C9: variants seen among roughly 807,000 people sequenced by gnomAD.
C9 encodes complement C9.
Under a neutral mutation model 65.4 loss-of-function variants are expected in C9, and 63 were observed. That is an observed-to-expected ratio of 0.96 (90% CI 0.79 to 1.19). The LOEUF (loss-of-function observed/expected upper bound fraction) is 1.19. Ranked by LOEUF, C9 falls within the 50% of genes most tolerant of loss-of-function variation. The probability of loss-of-function intolerance (pLI) is 0.00; values close to 1 mark genes in which losing one functional copy is unlikely to be tolerated. For missense variants in C9, 744 were observed against 670.1 expected, an observed-to-expected ratio of 1.11 and a Z score of -1.22; for synonymous variants, 229 against 227.9, an observed-to-expected ratio of 1.00 and a Z score of -0.04.
intron 4 of C9, among the ~76,000 whole-genome samples, chr5:39,336,877 A>G (rs1320464822): frequency 6.6e-6 from 1 of 151,926 alleles, no homozygotes; most frequent in Non-Finnish European, 1.5e-5. Context: ...TCCATTATCT[A>G]AAAGTTGATT....
At chr5:39,292,545 T>C (rs1246027735) in intron 9 of C9, among the ~76,000 whole-genome samples, 1 of 151,886 alleles carries the variant, frequency 6.6e-6, no homozygotes, top group African/African-American at 2.4e-5. Context: ...CTACATAAAG[T>C]AATCATGAGC....
intron 1 of C9, among the ~76,000 whole-genome samples, chr5:39,343,921 G>A (rs976714186): frequency 7.4e-6 from 1 of 135,860 alleles, no homozygotes; most frequent in Non-Finnish European, 1.5e-5. Flanking sequence ...ACGGTCTGGA[G>A]TGGACCTCTG....
chr5:39,311,370 AT>A lies in C9; in HGVS notation c.877del (p.Met293CysfsTer5), dbSNP rs777158966. On this transcript the variant is annotated frameshift_variant, in exon 7 of 11. Coordinates refer to ENST00000263408, the MANE Select transcript of C9 (RefSeq NM_001737.5). LOFTEE classifies it high-confidence loss of function. The part of the protein sequence containing the change: ...FLSYSSKKEK[M>X]FLHVKGEIHL... ...AATTTCTCCTTTCACATGCAGAAAC[AT>A]TTTTTCCTGTGTTGTAGAGCAGATG... The A allele has an allele frequency of 2.1e-5, 34 of 1,612,078 alleles. No homozygotes were observed. The Admixed American group carries it at 3.0e-4, about 14-fold the overall frequency.
At chr5:39,331,528 G>T in intron 5 of C9, 148 bp downstream of exon 5, 2 of 731,574 alleles carry the variant, frequency 2.7e-6, no homozygotes, top group South Asian at 3.1e-5. Context: ...TTTCTAAAGA[G>T]ATCCAAACTA....
chr5:39,301,562 TTTCTGCAATATTACTCTCTGTACTA>T (rs1164466592), intron 9 of C9, among the ~76,000 whole-genome samples: 1 of 152,144 alleles, frequency 6.6e-6, no homozygotes, highest in Non-Finnish European at 1.5e-5. Context: ...CTCTCTACTA[TTTCTGCAATATTACTCTCTGTACTA>T]TTCTGCAATA....
At position 39,364,396 on chromosome 5, in the gene C9, G is replaced by A. The variant is rs776241580; in HGVS notation, c.69C>T (p.Tyr23=). The A allele has an allele frequency of 5.0e-6, 8 of 1,584,538 alleles. No individual in the cohort carries two copies. In the South Asian group the frequency reaches 5.5e-5, roughly 11 times the overall value. Residue 23 remains tyrosine (Y), a synonymous_variant, in exon 1 of 11, where the codon TAC becomes TAT. Coordinates refer to ENST00000263408, the MANE Select transcript of C9 (RefSeq NM_001737.5). ...AAAAGTAACTGACTCACCTGGTCGT[G>A]TACTGTGCTGTGAGGATGCTTATTT... ...ILEISILTAQ[Y]TTSYDPELTE...
At chr5:39,352,248 A>G (rs1754336296) in intron 1 of C9, among the ~76,000 whole-genome samples, 1 of 152,246 alleles carries the variant, frequency 6.6e-6, no homozygotes, top group Admixed American at 6.5e-5. Context: ...CCTGTCCTTC[A>G]ACACATGGGA....
chr5:39,320,773 A>C (rs950867714), intron 5 of C9, among the ~76,000 whole-genome samples: 7 of 152,168 alleles, frequency 4.6e-5, no homozygotes, highest in African/African-American at 1.7e-4. Context: ...AATTTTGAAA[A>C]CAAGAGAAGA....
chr5:39,355,140 C>T (rs938649461), intron 1 of C9, among the ~76,000 whole-genome samples: 2 of 152,166 alleles, frequency 1.3e-5, no homozygotes, highest in African/African-American at 2.4e-5. Flanking sequence ...TTCCAGAAAC[C>T]TCATCTTTCT....
At chr5:39,317,700 A>G (rs1320677069) in intron 5 of C9, among the ~76,000 whole-genome samples, 1 of 152,104 alleles carries the variant, frequency 6.6e-6, no homozygotes, top group Non-Finnish European at 1.5e-5. Flanking sequence ...CCATTGGTCT[A>G]TGTGTCTGTT....
In C9 at chr5:39,304,656, A is replaced by G. The variant is rs75120839; in HGVS notation, c.1416+1961T>C. The stretch of plus-strand genomic sequence containing the variant: ...AAGATAAATTTAAAAAGTGGTCCAT[A>G]GTGAACTAACTATAGCTACCATTTC... On this transcript the variant is annotated intron_variant, in intron 9 of 10. Coordinates refer to ENST00000263408, the MANE Select transcript of C9 (RefSeq NM_001737.5). Among the ~76,000 whole-genome samples, 359 of 152,310 alleles carry G rather than the reference A, an allele frequency of 2.4e-3. 4 individuals carry two copies. The highest frequency in any genetic ancestry group is 8.2e-3 in the African/African-American group (340 of 41,580).
intron 9 of C9, among the ~76,000 whole-genome samples, chr5:39,298,425 T>A (rs527792955): frequency 6.6e-6 from 1 of 151,408 alleles, no homozygotes; most frequent in South Asian, 2.1e-4. Flanking sequence ...TCAAACAAGA[T>A]AAGACAAAAG....
intron 3 of C9, 111 bp downstream of exon 3, chr5:39,341,445 G>A (rs1754080518): frequency 6.9e-7 from 1 of 1,453,314 alleles, no homozygotes; most frequent in South Asian, 1.1e-5. Flanking sequence ...CCTCTTTTGG[G>A]GCCTTTCACG....
intron 1 of C9, among the ~76,000 whole-genome samples, chr5:39,349,794 T>C (rs835208): frequency 0.021 from 3,143 of 152,290 alleles, 111 homozygotes; most frequent in African/African-American, 0.072. Flanking sequence ...TTATAGGGTC[T>C]TTCTTTCATT....
At chr5:39,340,699 C>A (rs147306643) in intron 4 of C9, among the ~76,000 whole-genome samples, 1 of 152,288 alleles carries the variant, frequency 6.6e-6, no homozygotes, top group East Asian at 1.9e-4. Context: ...GGGTCAGCTC[C>A]AGAATGCTGG....
chr5:39,354,310 C>G (rs1754376724), intron 1 of C9, among the ~76,000 whole-genome samples: 1 of 152,116 alleles, frequency 6.6e-6, no homozygotes, highest in Admixed American at 6.6e-5. Context: ...CAGTGGGTCT[C>G]AATACCAAGT....
chr5:39,292,825 T>C (rs1435109253), intron 9 of C9, among the ~76,000 whole-genome samples: 1 of 120,872 alleles, frequency 8.3e-6, no homozygotes, highest in African/African-American at 2.7e-5. Flanking sequence ...GAAGGCAGAC[T>C]ATGATAAATT....
At position 39,311,182 on chromosome 5, in the gene C9, A is replaced by T. The variant is rs1285738845; in HGVS notation, c.1066T>A (p.Tyr356Asn). The T allele has an allele frequency of 6.2e-7, 1 of 1,613,210 alleles. No homozygotes were observed. Among genetic ancestry groups the T allele is most frequent in the African/African-American group, 1.3e-5 (1 of 75,042 alleles). The change falls in exon 7 of 11, where the codon TAT becomes AAT. Residue 356 changes from tyrosine to asparagine, a missense_variant. Physicochemically the swap from Tyr to Asn is moderately radical, Grantham distance 143. Coordinates refer to ENST00000263408, the MANE Select transcript of C9 (RefSeq NM_001737.5). ...YSSSGSLGGL[Y>N]ELIYVLDKAS... ...TTATCCAAAACATATATTAGTTCAT[A>T]GAGTCCTCCTAGAGACCCAGAGCTA...
At chr5:39,309,135 C>T (rs1021976757) in intron 7 of C9, among the ~76,000 whole-genome samples, 1 of 151,956 alleles carries the variant, frequency 6.6e-6, no homozygotes, top group Non-Finnish European at 1.5e-5. Context: ...TTTTCAAAGT[C>T]TATCAGTTAT....
Sources: allele counts gnomAD v4.1 joint callset (sites outside exome capture counted in the v4.1 genomes callset), GRCh38; gene constraint gnomAD v4.1.1; transcripts MANE v1.5; gene names NCBI Gene and HGNC (gene_info 2026-07-23, HGNC 2026-07-21).